TDRD1: variants seen among roughly 807,000 people sequenced by gnomAD.
TDRD1 encodes tudor domain-containing protein 1.
Under a neutral mutation model 140.6 loss-of-function variants are expected in TDRD1, and 37 were observed. That is an observed-to-expected ratio of 0.26 (90% confidence interval 0.20 to 0.35). TDRD1 has a LOEUF of 0.35. Ranked by LOEUF, TDRD1 falls within the 10% of genes least tolerant of loss-of-function variation. The pLI, the probability that TDRD1 is intolerant of heterozygous loss-of-function variation, is 1.00. For missense variants in TDRD1, 1,243 were observed against 1,393.0 expected (o/e 0.89, Z 1.71); for synonymous variants, 506 against 475.7 (o/e 1.06, Z -0.83).
chr10:114,231,081 A>G (rs1249654344), intron 25 of TDRD1, among the ~76,000 whole-genome samples: 1 of 152,186 alleles, frequency 6.6e-6, no homozygotes, highest in African/African-American at 2.4e-5. Flanking sequence ...AAATAAAATA[A>G]AAGACAAACA....
At chr10:114,201,385 C>G in intron 4 of TDRD1, 25 bp from the exon 5 acceptor site, 2 of 1,581,360 alleles carry the variant, frequency 1.3e-6, no homozygotes, top group Non-Finnish European at 1.7e-6. Flanking sequence ...TTCATCTGAA[C>G]TATTTTGTGG....
rs574589570 is a variant in TDRD1, at chr10:114,226,486, G to C, written c.3175+270G>C. On this transcript the variant is annotated intron_variant, in intron 22 of 25. Transcript: ENST00000251864. ...TTGCCCCTGGTTGCTAAGCTAGTAA[G>C]TGGCAAGGCCAGGATGTGAAACAGG... 2.0e-5 allele frequency among the ~76,000 whole-genome samples: 3 copies of C among 152,334 alleles called. No homozygotes were observed. The South Asian group carries it at 6.2e-4, about 32-fold the overall frequency.
At chr10:114,230,004 T>A (rs1273245257) in intron 25 of TDRD1, among the ~76,000 whole-genome samples, 2 of 152,038 alleles carry the variant, frequency 1.3e-5, no homozygotes, top group Non-Finnish European at 2.9e-5. Flanking sequence ...CTAATCTTTT[T>A]GTATTTTTAG....
rs201378754 is a variant in TDRD1 at position 114,222,530 on chromosome 10, G to A, written c.2891-57G>A. On this transcript the variant is annotated intron_variant, in intron 20 of 25. Transcript: ENST00000251864. The stretch of plus-strand genomic sequence containing the variant: ...ATTAGACTTGCCATTCTTTTGTATA[G>A]TGTTAATAGTAGCACTGGAAATTTT... The A allele has an allele frequency of 7.4e-4, 727 of 978,298 alleles. 1 individual carries two copies. Among genetic ancestry groups the A allele is most frequent in the Non-Finnish European group, 1.0e-3 (631 of 617,422 alleles). The allele number at this position is 978,298 out of a possible 1,614,324, so 60.6% of individuals were successfully genotyped here.
intron 1 of TDRD1, among the ~76,000 whole-genome samples, chr10:114,184,866 T>TG (rs2120057862): frequency 6.6e-6 from 1 of 152,316 alleles, no homozygotes; most frequent in East Asian, 1.9e-4. Context: ...TAATCTGAGA[T>TG]GGAGATTTGT....
At chr10:114,188,893 A>C (rs936442651) in intron 2 of TDRD1, among the ~76,000 whole-genome samples, 7 of 149,972 alleles carry the variant, frequency 4.7e-5, no homozygotes, top group Admixed American at 4.7e-4. Flanking sequence ...AAAAAAAAAA[A>C]AACCTTTCTA....
At position 114,187,938 on chromosome 10, in the gene TDRD1, CA is replaced by C; in HGVS notation, c.108del (p.Pro37HisfsTer5). ...TTTGAGAAAAATGAAAACAAGCTTC[CA>C]CCACATGAGTCTTTAAGAAGTCCTG... On this transcript the variant is annotated frameshift_variant, in exon 2 of 26. Transcript: ENST00000251864. LOFTEE classifies it high-confidence loss of function. The C allele has an allele frequency of 6.2e-7, 1 of 1,613,774 alleles. No homozygotes were observed. The highest frequency in any genetic ancestry group is 8.5e-7 in the Non-Finnish European group (1 of 1,179,936).
chr10:114,219,189 A>G (rs1367487597), intron 18 of TDRD1, among the ~76,000 whole-genome samples: 1 of 152,224 alleles, frequency 6.6e-6, no homozygotes, highest in Non-Finnish European at 1.5e-5. Flanking sequence ...AACAGGTTAT[A>G]AAAGAGTGTT....
intron 21 of TDRD1, 24 bp from the exon 22 acceptor site, chr10:114,226,025 C>T (rs34291959): frequency 0.15 from 242,877 of 1,604,488 alleles, 19,889 homozygotes; most frequent in Middle Eastern, 0.22. Flanking sequence ...TAAGTTCTTA[C>T]CTGAGATTTC....
upstream of TDRD1, among the ~76,000 whole-genome samples, chr10:114,175,983 T>C (rs1564924765): frequency 6.6e-6 from 1 of 152,206 alleles, no homozygotes; most frequent in Non-Finnish European, 1.5e-5. Context: ...AGCTCTTCTC[T>C]GTAGAACTCC....
chr10:114,197,661 CTT>C (rs58887319), intron 3 of TDRD1, among the ~76,000 whole-genome samples: 8,549 of 134,062 alleles, frequency 0.064, 345 homozygotes, highest in Non-Finnish European at 0.098. Context: ...TATTATGAGA[CTT>C]TTTTTTTTTT....
chr10:114,184,934 G>A (rs1284805013), intron 1 of TDRD1, among the ~76,000 whole-genome samples: 1 of 151,840 alleles, frequency 6.6e-6, no homozygotes, highest in Admixed American at 6.6e-5. Flanking sequence ...TAGTCGAGGT[G>A]GTTTTTGCAG....
In TDRD1 at chr10:114,192,229, C is replaced by T. The variant is rs535470945; in HGVS notation, c.384+1210C>T. Among the ~76,000 whole-genome samples the T allele has an allele frequency of 7.1e-4, 100 of 141,572 alleles. 1 individual carries two copies. Among genetic ancestry groups the T allele is most frequent in the African/African-American group, 2.3e-3 (89 of 38,064 alleles). 92.9% of individuals were successfully genotyped at this position (141,572 alleles called of 152,430 possible). A position where few individuals can be genotyped will look rare whatever the true frequency, so the allele number is the denominator to read the frequency against. On this transcript the variant is annotated intron_variant, in intron 3 of 25. Transcript: ENST00000251864. ...GGTGCTTTTGGTGTCAACTTTAAAACTGTTTGATACTCTGGATCCTGAAAA... is the reference window on the plus strand; with the variant it reads ...GGTGCTTTTGGTGTCAACTTTAAAATTGTTTGATACTCTGGATCCTGAAAA...
rs1284960556 is a variant in TDRD1 at position 114,210,573 on chromosome 10, C to A, written c.1385-8C>A. ...AAATGGCTTATTTTTCTGTTTTCTT[C>A]TGATAAGGTGATCCTGAAGATGTTG... On this transcript the variant is annotated splice_region_variant and splice_polypyrimidine_tract_variant and intron_variant, in intron 11 of 25. Coordinates refer to ENST00000251864, the Ensembl canonical transcript of TDRD1. The A allele has an allele frequency of 6.4e-7, 1 of 1,560,148 alleles. No individual in the cohort carries two copies. The highest frequency in any genetic ancestry group is 2.3e-5 in the East Asian group (1 of 43,942).
chr10:114,181,614 G>C lies in TDRD1; in HGVS notation c.-7+2198G>C, dbSNP rs951170179. 2.0e-5 allele frequency among the ~76,000 whole-genome samples: 3 copies of C among 152,178 alleles called. No individual in the cohort carries two copies. The East Asian group carries it at 5.8e-4, about 29-fold the overall frequency. On this transcript the variant is annotated intron_variant, in intron 1 of 25. Coordinates refer to ENST00000251864, the Ensembl canonical transcript of TDRD1. ...CACACCTGTAATTCCAGCGCTTCGG[G>C]AGGCTGAGGCGGGCGGATCACCTGA...
At chr10:114,181,845 CA>C (rs11307772) in intron 1 of TDRD1, among the ~76,000 whole-genome samples, 93,486 of 133,754 alleles carry the variant, frequency 0.7, 31,992 homozygotes, top group East Asian at 0.89. Context: ...GACAACATCT[CA>C]AAAAAAAAAA....
intron 21 of TDRD1, among the ~76,000 whole-genome samples, chr10:114,223,949 C>T (rs752291905): frequency 6.6e-6 from 1 of 152,208 alleles, no homozygotes; most frequent in Non-Finnish European, 1.5e-5. Context: ...ATGCTGAGAT[C>T]GTTTCAGCCC....
intron 11 of TDRD1, among the ~76,000 whole-genome samples, chr10:114,209,794 A>G (rs971101289): frequency 6.6e-6 from 1 of 152,182 alleles, no homozygotes; most frequent in African/African-American, 2.4e-5. Flanking sequence ...TAATCTAGAT[A>G]ATTATTTTCT....
In TDRD1 at chr10:114,203,388, G is replaced by T; in HGVS notation, c.802G>T (p.Gly268Cys). Residue 268 changes from glycine to cysteine, a missense_variant and splice_region_variant, in exon 8 of 26, where the codon GGT (glycine) becomes TGT (cysteine). By Grantham distance (159) the Gly-to-Cys change is radical. Transcript: ENST00000251864. The stretch of plus-strand genomic sequence containing the variant: ...TCCTCTTTTTTTTTATCTTTGAAAG[G>T]GTACGGTTACCGAATTCAAACACCC... 2 of 1,589,496 alleles carry T rather than the reference G, an allele frequency of 1.3e-6. No individual in the cohort carries two copies.
Sources: allele counts gnomAD v4.1 joint callset (sites outside exome capture counted in the v4.1 genomes callset), GRCh38; gene constraint gnomAD v4.1.1; transcripts MANE v1.5; gene names NCBI Gene and HGNC (gene_info 2026-07-23, HGNC 2026-07-21).